Variants in SPEN observed in about 807,000 individuals in gnomAD.
The protein encoded by SPEN is msx2-interacting protein.
A neutral mutation model predicts 269.9 loss-of-function variants in SPEN; 18 were observed. That is an observed-to-expected ratio of 0.07 (90% CI 0.05 to 0.10). The LOEUF is 0.10. Ranked by LOEUF, SPEN falls within the 10% of genes least tolerant of loss-of-function variation. SPEN has a pLI of 1.00. For synonymous variants in SPEN, 1,726 were observed against 1,765.7 expected, an observed-to-expected ratio of 0.98 and a Z score of 0.56; for missense variants, 3,822 against 4,631.2, an observed-to-expected ratio of 0.83 and a Z score of 5.07.
chr1:15,877,867 C>T (rs2070647219), intron 3 of SPEN, among the ~76,000 whole-genome samples: 2 of 150,530 alleles, frequency 1.3e-5, no homozygotes, highest in Admixed American at 6.7e-5. Flanking sequence ...GCCTCAGCTT[C>T]CCATGTAGCT....
chr1:15,910,661 G>A (rs566522123), intron 4 of SPEN, among the ~76,000 whole-genome samples: 1 of 149,992 alleles, frequency 6.7e-6, no homozygotes, highest in East Asian at 1.9e-4. Flanking sequence ...AATCCTTGAT[G>A]TTGTTTTATT....
chr1:15,934,824 A>G lies in SPEN; in HGVS notation c.8584A>G (p.Thr2862Ala). Residue 2862 changes from threonine to alanine, a missense_variant, in exon 11 of 15, where the codon ACA becomes GCA. This residue lies in a region of SPEN where 329 missense variants were observed against 431.2 expected (regional missense o/e 0.76). Coordinates refer to ENST00000375759, the MANE Select transcript of SPEN (RefSeq NM_015001.3). The surrounding 1 kb of genome is among the most constrained non-coding windows in gnomAD (Gnocchi z 9.2). ...SKSQVKPDSV[T>A]ASQPPSKGPQ... Reference sequence around the variant, plus strand: ...GTCCCAGGTCAAACCTGATTCTGTCACAGCATCGCAGCCTCCATCCAAAGG... The same window carrying G: ...GTCCCAGGTCAAACCTGATTCTGTCGCAGCATCGCAGCCTCCATCCAAAGG... 1.2e-6 allele frequency: 2 copies of G among 1,614,162 alleles called. No individual in the cohort carries two copies. Among genetic ancestry groups the G allele is most frequent in the Non-Finnish European group, 1.7e-6 (2 of 1,180,018 alleles).
At chr1:15,884,482 C>T (rs925110684) in intron 3 of SPEN, among the ~76,000 whole-genome samples, 1 of 152,082 alleles carries the variant, frequency 6.6e-6, no homozygotes, top group African/African-American at 2.4e-5. Flanking sequence ...GTGAGGAAAA[C>T]CATTAAGAAT....
intron 1 of SPEN, among the ~76,000 whole-genome samples, chr1:15,871,626 A>G (rs1047169448): frequency 2.6e-5 from 4 of 152,196 alleles, no homozygotes; most frequent in African/African-American, 7.2e-5. Context: ...CCTATATTAT[A>G]AAGTTTAACA....
rs563289343 is a variant in SPEN at position 15,867,121 on chromosome 1, A to G, written c.84-5695A>G. ...GTTTCATCACCCCAGAATGAAACCC[A>G]CATCCATTAGCAGTCATTCTCCATT... On this transcript the variant is annotated intron_variant, in intron 1 of 14. Coordinates refer to ENST00000375759, the MANE Select transcript of SPEN (RefSeq NM_015001.3). 2.0e-5 allele frequency among the ~76,000 whole-genome samples: 3 copies of G among 152,292 alleles called. No homozygotes were observed. In the South Asian group the frequency reaches 6.2e-4, roughly 32 times the overall value.
intron 1 of SPEN, among the ~76,000 whole-genome samples, chr1:15,859,555 G>A (rs1249210137): frequency 2.0e-5 from 3 of 151,666 alleles, no homozygotes; most frequent in Admixed American, 6.6e-5. Context: ...ATTTTTAGTA[G>A]AGACAGGGTT....
intron 2 of SPEN, chr1:15,873,577 A>G (rs1389200702): frequency 2.0e-6 from 2 of 996,102 alleles, no homozygotes; most frequent in Non-Finnish European, 2.4e-6. Flanking sequence ...CATTTTCACT[A>G]CATAAAGTGT....
intron 3 of SPEN, among the ~76,000 whole-genome samples, chr1:15,882,422 G>A (rs6413974): frequency 0.24 from 36,843 of 152,078 alleles, 5,253 homozygotes; most frequent in South Asian, 0.43. Flanking sequence ...AGCACGTTGG[G>A]AGGTTGAGGC....
At position 15,904,239 on chromosome 1, in the gene SPEN, A is replaced by T. The variant is rs192269472; in HGVS notation, c.882-5082A>T. Among the ~76,000 whole-genome samples, 34 of 151,790 alleles carry T rather than the reference A, an allele frequency of 2.2e-4. No individual in the cohort carries two copies. The East Asian group carries it at 4.9e-3, about 22-fold the overall frequency. On this transcript the variant is annotated intron_variant, in intron 3 of 14. Coordinates refer to ENST00000375759, the MANE Select transcript of SPEN (RefSeq NM_015001.3). ...ATGCCTGTAATCCCAGCACTTTGGG[A>T]GGCCAAGGCGGGTGGATTACTTGAG...
At chr1:15,922,477 TC>T in intron 10 of SPEN, 128 bp downstream of exon 10, 1 of 622,006 alleles carries the variant, frequency 1.6e-6, no homozygotes, top group Non-Finnish European at 2.7e-6. Context: ...AGAATGCTTC[TC>T]TTTTATCACT....
At chr1:15,898,547 T>C (rs984394840) in intron 3 of SPEN, among the ~76,000 whole-genome samples, 1 of 139,526 alleles carries the variant, frequency 7.2e-6, no homozygotes, top group Non-Finnish European at 1.6e-5. Context: ...AAATTTTTTT[T>C]TTCTTTTTTT....
chr1:15,913,334 G>A (rs1401587535), intron 5 of SPEN, among the ~76,000 whole-genome samples: 2 of 152,112 alleles, frequency 1.3e-5, no homozygotes, highest in Non-Finnish European at 2.9e-5. Flanking sequence ...AAGGTGTGTA[G>A]GCATTAAGAC....
rs778456040 is a variant in SPEN at position 15,934,749 on chromosome 1, A to G, written c.8509A>G (p.Ile2837Val). ...GCGGATCAGCGCCAAGATCAGCCAG[A>G]TCCCCCCGGCCAGTGCAATGGACAT... ...PQRISAKISQ[I>V]PPASAMDIEF... The change falls in exon 11 of 15, where the codon ATC (isoleucine) becomes GTC (valine). Residue 2837 changes from isoleucine (I) to valine (V), a missense_variant. Ile to Val is a conservative substitution (Grantham distance 29). Transcript: ENST00000375759. The surrounding 1 kb of genome is among the most constrained non-coding windows in gnomAD (Gnocchi z 9.2). 2 of 1,614,120 alleles carry G rather than the reference A, an allele frequency of 1.2e-6. No individual in the cohort carries two copies. The highest frequency in any genetic ancestry group is 2.2e-5 in the East Asian group (1 of 44,878).
At chr1:15,852,472 G>T (rs2148701001) in intron 1 of SPEN, among the ~76,000 whole-genome samples, 1 of 152,036 alleles carries the variant, frequency 6.6e-6, no homozygotes, top group African/African-American at 2.4e-5. Flanking sequence ...AAATTATACA[G>T]AATAATTATA....
chr1:15,864,716 C>T (rs1352730446), intron 1 of SPEN, among the ~76,000 whole-genome samples: 5 of 150,344 alleles, frequency 3.3e-5, no homozygotes, highest in Middle Eastern at 3.2e-3. Context: ...CTCGAGCTCC[C>T]GTCTCAGCCT....
At chr1:15,856,562 A>T (rs1332157024) in intron 1 of SPEN, among the ~76,000 whole-genome samples, 1 of 136,362 alleles carries the variant, frequency 7.3e-6, no homozygotes, top group Non-Finnish European at 1.6e-5. Context: ...CTGCTGCCAG[A>T]TACTTTTTTT....
chr1:15,866,262 C>T (rs561093354), intron 1 of SPEN, among the ~76,000 whole-genome samples: 9 of 152,144 alleles, frequency 5.9e-5, no homozygotes, highest in South Asian at 4.2e-4. Context: ...AGGGATTCTC[C>T]GTATCTTTTG....
rs370593183 is a variant in SPEN at position 15,935,490 on chromosome 1, A to G, written c.9250A>G (p.Ile3084Val). ...EQSVIMPPHS[I>V]TQTVSLSHLS... ...GTCTGTCATCATGCCACCCCACAGC[A>G]TCACCCAGACTGTGTCCCTGAGCCA... The change falls in exon 11 of 15, where the codon ATC becomes GTC. Residue 3084 changes from isoleucine to valine, a missense_variant. Ile to Val is a conservative substitution (Grantham distance 29). Around this residue, in one of 16 missense-constraint regions of SPEN, gnomAD observed 153 missense variants for 228.5 expected, o/e 0.67. Transcript: ENST00000375759. This position sits in a 1 kb window ranked among gnomAD's most constrained non-coding sequence, Gnocchi z 7.7. 6.2e-7 allele frequency: 1 copy of G among 1,613,872 alleles called. No homozygotes were observed. The highest frequency in any genetic ancestry group is 8.5e-7 in the Non-Finnish European group (1 of 1,179,988).
chr1:15,914,574 G>T (rs1245650473), intron 5 of SPEN, among the ~76,000 whole-genome samples: 1 of 152,334 alleles, frequency 6.6e-6, no homozygotes, highest in East Asian at 1.9e-4. Context: ...TGTAATCTCA[G>T]CACTTTGGGA....
Sources: gnomAD v4.1 joint callset for allele counts (sites outside exome capture counted in the v4.1 genomes callset) on GRCh38, gnomAD v4.1.1 for gene constraint, gnomAD v4.1.1 regional missense constraint, Gnocchi (gnomAD v3.1) non-coding constraint, MANE v1.5 for transcripts, NCBI Gene and HGNC (gene_info 2026-07-23, HGNC 2026-07-21) for gene names.